KCNIP4: variants seen among roughly 807,000 people sequenced by gnomAD.
KCNIP4 encodes the protein Kv channel-interacting protein 4.
Under a neutral mutation model 34.0 loss-of-function variants are expected in KCNIP4, and 12 were observed. The ratio of observed to expected loss-of-function variants is 0.35; its 90% confidence interval spans 0.23 to 0.57. The LOEUF is 0.57. KCNIP4 is among the 20% of genes least tolerant of loss of function. The pLI is 0.83. For synonymous variants in KCNIP4, 124 were observed against 102.2 expected (o/e 1.21, Z -1.29); for missense variants, 238 against 311.7 (o/e 0.76, Z 1.78).
intron 1 of KCNIP4, among the ~76,000 whole-genome samples, chr4:21,333,759 C>T (rs919913635): frequency 1.3e-5 from 2 of 151,680 alleles, no homozygotes; most frequent in African/African-American, 4.8e-5. Flanking sequence ...AAAAAAAAAT[C>T]AATAAAAATC....
At chr4:21,532,328 A>G (rs937174720) in intron 1 of KCNIP4, among the ~76,000 whole-genome samples, 3 of 105,654 alleles carry the variant, frequency 2.8e-5, no homozygotes, top group African/African-American at 7.4e-5. Context: ...TTTTCATGCA[A>G]TTGCATTTTA....
chr4:21,171,893 G>A (rs984971570), intron 1 of KCNIP4, among the ~76,000 whole-genome samples: 16 of 152,116 alleles, frequency 1.1e-4, no homozygotes, highest in Admixed American at 1.3e-4. Flanking sequence ...TCAGCTCTTG[G>A]GCAAGTGGGA....
intron 3 of KCNIP4, among the ~76,000 whole-genome samples, chr4:20,768,686 T>C (rs1010545799): frequency 2.0e-5 from 3 of 152,050 alleles, no homozygotes; most frequent in African/African-American, 7.2e-5. Context: ...AAATAGACAA[T>C]GGATGAAAGA....
chr4:21,875,379 CAAAT>C (rs1726050940), intron 1 of KCNIP4, among the ~76,000 whole-genome samples: 2 of 152,142 alleles, frequency 1.3e-5, no homozygotes, highest in African/African-American at 4.8e-5. Context: ...TAAATTCAAA[CAAAT>C]AAATAGATAG....
At chr4:21,410,310 G>T (rs886859680) in intron 1 of KCNIP4, among the ~76,000 whole-genome samples, 1 of 152,164 alleles carries the variant, frequency 6.6e-6, no homozygotes, top group African/African-American at 2.4e-5. Flanking sequence ...CACAGGTGTT[G>T]CTTGCTTCCC....
chr4:21,257,578 T>C (rs1453287632), intron 1 of KCNIP4, among the ~76,000 whole-genome samples: 1 of 151,806 alleles, frequency 6.6e-6, no homozygotes, highest in South Asian at 2.1e-4. Flanking sequence ...TGAAACCCTG[T>C]CCTCTACTAA....
intron 1 of KCNIP4, among the ~76,000 whole-genome samples, chr4:21,469,991 C>T (rs1313373654): frequency 3.3e-5 from 5 of 152,098 alleles, no homozygotes; most frequent in East Asian, 3.9e-4. Flanking sequence ...CTGTTAACTA[C>T]GCCACAATTG....
chr4:21,659,125 A>G (rs1022025325), intron 1 of KCNIP4, among the ~76,000 whole-genome samples: 1 of 152,166 alleles, frequency 6.6e-6, no homozygotes, highest in Non-Finnish European at 1.5e-5. Context: ...TTCTTTCAAA[A>G]GTGTTACTCT....
At chr4:21,591,922 A>G (rs1742252532) in intron 1 of KCNIP4, among the ~76,000 whole-genome samples, 1 of 152,094 alleles carries the variant, frequency 6.6e-6, no homozygotes, top group Non-Finnish European at 1.5e-5. Flanking sequence ...AAATTGTTCT[A>G]ATTGAATGAC....
At chr4:20,756,430 TCTC>T (rs1054061454) in intron 4 of KCNIP4, among the ~76,000 whole-genome samples, 4 of 152,136 alleles carry the variant, frequency 2.6e-5, no homozygotes, top group Non-Finnish European at 5.9e-5. Context: ...GCTATTAACA[TCTC>T]CTTCTTTACC....
rs1744620501 is a variant in KCNIP4 at position 21,616,512 on chromosome 4, G to A, written c.61+332059C>T. Among the ~76,000 whole-genome samples, 4 of 152,150 alleles carry A rather than the reference G, an allele frequency of 2.6e-5. No homozygotes were observed. The South Asian group carries it at 8.3e-4, about 32-fold the overall frequency. On this transcript the variant is annotated intron_variant, in intron 1 of 8. Coordinates refer to ENST00000382152, the MANE Select transcript of KCNIP4 (RefSeq NM_025221.6). ...TCTCTATTAGTGTCCTGGGGCTGTC[G>A]TAACAAATTACCACAAACAGAGATT...
intron 3 of KCNIP4, among the ~76,000 whole-genome samples, chr4:20,847,336 T>G (rs1578763475): frequency 6.6e-6 from 1 of 152,222 alleles, no homozygotes; most frequent in Admixed American, 6.5e-5. Context: ...CCAGTGATTC[T>G]CAAAGTGTGG....
chr4:21,210,720 T>C (rs954404713), intron 1 of KCNIP4, among the ~76,000 whole-genome samples: 2 of 152,164 alleles, frequency 1.3e-5, no homozygotes, highest in African/African-American at 4.8e-5. Context: ...ATGTTTTCCC[T>C]CCTTCCACCT....
chr4:21,528,245 T>C (rs901525530), intron 1 of KCNIP4, among the ~76,000 whole-genome samples: 2 of 152,164 alleles, frequency 1.3e-5, no homozygotes, highest in Admixed American at 1.3e-4. Context: ...GAGACTCACC[T>C]GTGGCTCAAA....
rs181614455 is a variant in KCNIP4, at chr4:21,608,506, C to A, written c.61+340065G>T. On this transcript the variant is annotated intron_variant, in intron 1 of 8. Transcript: ENST00000382152. ...CATTTTCAAAGGCATCAATGGTGGC[C>A]GAGTCCTTCTTACATCAAACTTCTC... 8.5e-5 allele frequency among the ~76,000 whole-genome samples: 13 copies of A among 152,240 alleles called. No homozygotes were observed. The East Asian group carries it at 2.5e-3, about 29-fold the overall frequency.
chr4:21,926,416 G>T (rs1433070850), intron 1 of KCNIP4, among the ~76,000 whole-genome samples: 1 of 152,108 alleles, frequency 6.6e-6, no homozygotes, highest in Non-Finnish European at 1.5e-5. Flanking sequence ...CTATAACTTT[G>T]CTCGAGTCTA....
intron 1 of KCNIP4, among the ~76,000 whole-genome samples, chr4:21,826,989 AT>A (rs1256884452): frequency 1.3e-5 from 2 of 152,122 alleles, no homozygotes; most frequent in Non-Finnish European, 2.9e-5. Context: ...CAGAAAATAA[AT>A]TGTCATGAAA....
chr4:21,518,979 T>A (rs1735020232), intron 1 of KCNIP4, among the ~76,000 whole-genome samples: 1 of 152,044 alleles, frequency 6.6e-6, no homozygotes, highest in African/African-American at 2.4e-5. Flanking sequence ...AACAAGCCTA[T>A]AAAGAAATAC....
chr4:20,833,825 T>C (rs1295046307), intron 3 of KCNIP4, among the ~76,000 whole-genome samples: 1 of 152,190 alleles, frequency 6.6e-6, no homozygotes, highest in Non-Finnish European at 1.5e-5. Flanking sequence ...CATTTTTACT[T>C]CAGTAATTTC....
Sources: allele counts gnomAD v4.1 joint callset (sites outside exome capture counted in the v4.1 genomes callset), GRCh38; gene constraint gnomAD v4.1.1; transcripts MANE v1.5; gene names NCBI Gene and HGNC (gene_info 2026-07-23, HGNC 2026-07-21).